PTGIS: variants seen among roughly 807,000 people sequenced by gnomAD.
PTGIS encodes the protein prostacyclin synthase.
PTGIS carries 45 observed loss-of-function variants against 50.3 expected under a neutral mutation model. The observed-to-expected ratio is 0.90, with a 90% CI of 0.70 to 1.15. PTGIS has a LOEUF of 1.15. PTGIS is among the 50% of genes most tolerant of loss of function. The pLI is 0.00. For missense variants in PTGIS, 668 were observed against 661.3 expected (o/e 1.01, Z -0.11); for synonymous variants, 260 against 267.7 (o/e 0.97, Z 0.28).
chr20:49,524,354 G>T, intron 5 of PTGIS, 115 bp from the exon 6 acceptor site: 2 of 1,222,636 alleles, frequency 1.6e-6, no homozygotes, highest in Non-Finnish European at 2.3e-6. Flanking sequence ...CTCATTGAGG[G>T]TGGGGAGTTC....
rs117851874 is a variant in PTGIS at position 49,508,260 on chromosome 20, G to A, written c.1359-196C>T. Reference sequence around the variant, plus strand: ...GCCCCCTGTAAGGTTAGGCAGGCCCGTGGATGAGTTCTGGTGAATGGGCTG... The same window carrying A: ...GCCCCCTGTAAGGTTAGGCAGGCCCATGGATGAGTTCTGGTGAATGGGCTG... On this transcript the variant is annotated intron_variant, in intron 9 of 9. Transcript: ENST00000244043. 2.2e-3 allele frequency among the ~76,000 whole-genome samples: 337 copies of A among 152,358 alleles called. 2 individuals are homozygous for A. The highest frequency in any genetic ancestry group is 3.6e-3 in the Non-Finnish European group (247 of 68,024).
intron 4 of PTGIS, 96 bp downstream of exon 4, chr20:49,544,209 C>A (rs1457226083): frequency 6.5e-7 from 1 of 1,529,626 alleles, no homozygotes; most frequent in Non-Finnish European, 8.9e-7. Flanking sequence ...CTTCCCCCAC[C>A]CACAGAGTCC....
chr20:49,537,458 T>C (rs937374114), intron 5 of PTGIS, among the ~76,000 whole-genome samples: 1 of 152,050 alleles, frequency 6.6e-6, no homozygotes, highest in African/African-American at 2.4e-5. Context: ...ATCTAAGTTA[T>C]AGAAGTACAG....
intron 1 of PTGIS, among the ~76,000 whole-genome samples, chr20:49,560,497 C>G (rs1433354318): frequency 6.6e-6 from 1 of 152,134 alleles, no homozygotes; most frequent in African/African-American, 2.4e-5. Context: ...GCCACTATGC[C>G]CAGCCCAAAA....
At position 49,514,358 on chromosome 20, in the gene PTGIS, A is replaced by T. The variant is rs1266518929; in HGVS notation, c.893T>A (p.Phe298Tyr). 6.2e-7 allele frequency: 1 copy of T among 1,613,940 alleles called. No individual in the cohort carries two copies. The highest frequency in any genetic ancestry group is 8.5e-7 in the Non-Finnish European group (1 of 1,180,036). ...MGPAAFWLLL[F>Y]LLKNPEALAA... is the part of the protein sequence containing the mutation. The stretch of plus-strand genomic sequence containing the variant: ...CAGGGCTTCAGGATTCTTGAGAAGG[A>T]AGAGCAGGAGCCAGAAGGCAGCGGG... The change falls in exon 7 of 10, where the codon TTC (phenylalanine) becomes TAC (tyrosine). Residue 298 changes from phenylalanine to tyrosine, a missense_variant. Phe to Tyr is a conservative substitution (Grantham distance 22). Coordinates refer to ENST00000244043, the MANE Select transcript of PTGIS (RefSeq NM_000961.4).
chr20:49,523,959 G>T, intron 6 of PTGIS, 99 bp downstream of exon 6: 2 of 1,422,848 alleles, frequency 1.4e-6, no homozygotes, highest in Non-Finnish European at 1.9e-6. Context: ...ATAGTCATGT[G>T]CACACCTGCA....
In PTGIS at chr20:49,544,396, G is replaced by C; in HGVS notation, c.430C>G (p.Leu144Val). The change falls in exon 4 of 10, where the codon CTC becomes GTC. Residue 144 changes from leucine to valine, a missense_variant. Coordinates refer to ENST00000244043, the MANE Select transcript of PTGIS (RefSeq NM_000961.4). ...GCATCGCCCAACAGCACTGCATGGA[G>C]GTTGGTATACATGGCTTCTGTGAGT... is the stretch of plus-strand genomic sequence containing the variant. ...QALTEAMYTN[L>V]HAVLLGDATE... 1.9e-6 allele frequency: 3 copies of C among 1,614,170 alleles called. No individual in the cohort carries two copies. Among genetic ancestry groups the C allele is most frequent in the Non-Finnish European group, 2.5e-6 (3 of 1,180,014 alleles).
intron 6 of PTGIS, among the ~76,000 whole-genome samples, chr20:49,515,475 A>G (rs1981451260): frequency 6.6e-6 from 1 of 152,234 alleles, no homozygotes; most frequent in East Asian, 1.9e-4. Flanking sequence ...ACTAATCTCA[A>G]TTTGGGGGAA....
intron 1 of PTGIS, among the ~76,000 whole-genome samples, chr20:49,554,520 A>G (rs989892024): frequency 6.6e-6 from 1 of 152,198 alleles, no homozygotes; most frequent in Non-Finnish European, 1.5e-5. Flanking sequence ...AAACACTGAC[A>G]GCAGTTAAAG....
intron 6 of PTGIS, among the ~76,000 whole-genome samples, chr20:49,521,547 A>G (rs1226937893): frequency 2.6e-5 from 4 of 152,262 alleles, no homozygotes; most frequent in African/African-American, 9.6e-5. Flanking sequence ...CATTCCCACG[A>G]GAGTTCTGGA....
chr20:49,510,614 T>C (rs1413579128), intron 9 of PTGIS, among the ~76,000 whole-genome samples: 1 of 152,134 alleles, frequency 6.6e-6, no homozygotes, highest in Non-Finnish European at 1.5e-5. Context: ...AGGGAGATAA[T>C]TTATGAGGCT....
chr20:49,563,698 T>C (rs531620281), intron 1 of PTGIS, among the ~76,000 whole-genome samples: 2 of 152,340 alleles, frequency 1.3e-5, no homozygotes, highest in South Asian at 4.1e-4. Flanking sequence ...CACTGTTGGG[T>C]GACCTCTGGT....
intron 6 of PTGIS, among the ~76,000 whole-genome samples, chr20:49,519,527 G>T (rs1981589685): frequency 6.6e-6 from 1 of 151,650 alleles, no homozygotes; most frequent in South Asian, 2.1e-4. Flanking sequence ...CCACTGGAGA[G>T]CCCCAGGGAT....
rs151193790 is a variant in PTGIS, at chr20:49,524,081, C to T, written c.832G>A (p.Val278Met). ...VSEEMQARALVLQLWATQGNM... is the reference protein window; with the variant it reads ...VSEEMQARALMLQLWATQGNM... ...ACCTGTGTGGCCCACAGCTGCAGCA[C>T]CAGGGCCCGTGCCTGCATCTCCTCT... is the stretch of plus-strand genomic sequence containing the variant. The change falls in exon 6 of 10, where the codon GTG becomes ATG. Residue 278 changes from valine to methionine, a missense_variant. Coordinates refer to ENST00000244043, the MANE Select transcript of PTGIS (RefSeq NM_000961.4). The T allele has an allele frequency of 7.4e-6, 12 of 1,614,262 alleles. No homozygotes were observed. The African/African-American group carries it at 1.5e-4, about 20-fold the overall frequency.
At chr20:49,517,155 G>A (rs1458390829) in intron 6 of PTGIS, among the ~76,000 whole-genome samples, 1 of 152,334 alleles carries the variant, frequency 6.6e-6, no homozygotes, top group Non-Finnish European at 1.5e-5. Flanking sequence ...GGGGGCCTCC[G>A]GCCCTTTCTG....
chr20:49,527,010 T>C (rs1359142594), intron 5 of PTGIS, among the ~76,000 whole-genome samples: 1 of 152,120 alleles, frequency 6.6e-6, no homozygotes, highest in African/African-American at 2.4e-5. Context: ...CTCAAACAGA[T>C]ACTCGTGCAC....
intron 1 of PTGIS, among the ~76,000 whole-genome samples, chr20:49,564,298 C>T (rs1000951122): frequency 1.3e-5 from 2 of 152,074 alleles, no homozygotes; most frequent in African/African-American, 4.8e-5. Flanking sequence ...GTTGCCCAGG[C>T]TGGAGTGCAA....
intron 3 of PTGIS, among the ~76,000 whole-genome samples, chr20:49,545,629 T>G (rs1341183194): frequency 6.6e-6 from 1 of 152,122 alleles, no homozygotes; most frequent in Non-Finnish European, 1.5e-5. Flanking sequence ...ACTGAGGATA[T>G]GATTAGAAGC....
At chr20:49,529,602 G>A (rs1981882200) in intron 5 of PTGIS, among the ~76,000 whole-genome samples, 1 of 152,122 alleles carries the variant, frequency 6.6e-6, no homozygotes, top group Admixed American at 6.5e-5. Flanking sequence ...ACCATTCTGA[G>A]TAGCATGATG....
Sources: allele counts gnomAD v4.1 joint callset (sites outside exome capture counted in the v4.1 genomes callset), GRCh38; gene constraint gnomAD v4.1.1; transcripts MANE v1.5; gene names NCBI Gene and HGNC (gene_info 2026-07-23, HGNC 2026-07-21).